The following UNC13C variants were observed in gnomAD, a reference collection of about 807,000 sequenced individuals.
UNC13C encodes the protein protein unc-13 homolog C.
A neutral mutation model predicts 245.4 loss-of-function variants in UNC13C; 174 were observed. That is an observed-to-expected ratio of 0.71 (90% CI 0.63 to 0.80). The LOEUF (loss-of-function observed/expected upper bound fraction) is 0.80. Among genes scored for constraint, UNC13C ranks in the 30% least tolerant of loss-of-function variants. UNC13C has a pLI of 0.00. For missense variants in UNC13C, 2,829 were observed against 2,602.9 expected (o/e 1.09, Z -1.89); for synonymous variants, 992 against 895.1 (o/e 1.11, Z -1.93).
chr15:54,180,182 G>A (rs190645641), intron 4 of UNC13C, among the ~76,000 whole-genome samples: 1 of 151,870 alleles, frequency 6.6e-6, no homozygotes, highest in East Asian at 1.9e-4. Flanking sequence ...ATAGTCCCCG[G>A]TTTCTATTGT....
intron 2 of UNC13C, among the ~76,000 whole-genome samples, chr15:54,131,272 T>C (rs937382095): frequency 1.3e-5 from 2 of 152,212 alleles, no homozygotes; most frequent in African/African-American, 4.8e-5. Flanking sequence ...CAGACTAGAC[T>C]GGATTTTCAA....
intron 10 of UNC13C, among the ~76,000 whole-genome samples, chr15:54,284,996 A>T (rs971494546): frequency 1.3e-5 from 2 of 152,126 alleles, no homozygotes; most frequent in Non-Finnish European, 2.9e-5. Context: ...AAGGTGGTTC[A>T]GGGAAATTAA....
rs1482896503 is a variant in UNC13C at position 54,626,810 on chromosome 15, T to G, written c.6360-18T>G. 1 of 1,593,818 alleles carries G rather than the reference T, an allele frequency of 6.3e-7. No individual in the cohort carries two copies. Among genetic ancestry groups the G allele is most frequent in the Non-Finnish European group, 8.5e-7 (1 of 1,170,080 alleles). On this transcript the variant is annotated intron_variant, in intron 32 of 32. Transcript: ENST00000260323. Reference sequence around the variant, plus strand: ...AAGTAAAGTTTTTGCTCAAAATTTGTATTTTTAATCCACACAGCATTCTCG... The same window carrying G: ...AAGTAAAGTTTTTGCTCAAAATTTGGATTTTTAATCCACACAGCATTCTCG...
the UNC13C span, among the ~76,000 whole-genome samples, chr15:53,958,070 C>A: frequency 6.6e-6 from 1 of 152,104 alleles, no homozygotes; most frequent in Non-Finnish European, 1.5e-5. Flanking sequence ...CAAACAGTAA[C>A]TTGTTTCACA....
intron 19 of UNC13C, among the ~76,000 whole-genome samples, chr15:54,438,027 A>G (rs1166911908): frequency 6.6e-6 from 1 of 151,898 alleles, no homozygotes; most frequent in Non-Finnish European, 1.5e-5. Context: ...ATAAGAGGGA[A>G]CTAGGGTAAA....
chr15:54,405,029 T>G (rs982252840), intron 18 of UNC13C, among the ~76,000 whole-genome samples: 1 of 152,204 alleles, frequency 6.6e-6, no homozygotes, highest in Non-Finnish European at 1.5e-5. Flanking sequence ...CTAAATAATA[T>G]TTTCCTGTCT....
At chr15:54,337,906 C>T (rs959606952) in intron 16 of UNC13C, among the ~76,000 whole-genome samples, 1 of 152,166 alleles carries the variant, frequency 6.6e-6, no homozygotes, top group Non-Finnish European at 1.5e-5. Context: ...TAATTCTATT[C>T]CATTGAAACG....
the UNC13C span, among the ~76,000 whole-genome samples, chr15:53,877,465 T>A: frequency 6.6e-6 from 1 of 152,102 alleles, no homozygotes; most frequent in Non-Finnish European, 1.5e-5. Flanking sequence ...AAACCTAGGT[T>A]AATATTCATA....
chr15:53,845,492 C>A, the UNC13C span, among the ~76,000 whole-genome samples: 7 of 152,206 alleles, frequency 4.6e-5, no homozygotes, highest in South Asian at 1.0e-3. Flanking sequence ...GCCTTCAACA[C>A]AATGTCCTAT....
intron 7 of UNC13C, among the ~76,000 whole-genome samples, chr15:54,245,396 A>G (rs1567131027): frequency 6.6e-6 from 1 of 152,124 alleles, no homozygotes; most frequent in Non-Finnish European, 1.5e-5. Context: ...GTTTCTTAGG[A>G]CAATGTTAAT....
At position 54,549,619 on chromosome 15, in the gene UNC13C, TTTTC is replaced by T; in HGVS notation, c.5821-12_5821-9del. 6.3e-7 allele frequency: 1 copy of T among 1,592,672 alleles called. No homozygotes were observed. The highest frequency in any genetic ancestry group is 8.6e-7 in the Non-Finnish European group (1 of 1,168,432). ...TCTTAAGACTGAGTCTTCTCTCACTTTTTCTTTGTTTCTAGGGACCCCAGATGAT... is the reference window on the plus strand; with the variant it reads ...TCTTAAGACTGAGTCTTCTCTCACTTTTTGTTTCTAGGGACCCCAGATGAT... On this transcript the variant is annotated splice_polypyrimidine_tract_variant and intron_variant, in intron 27 of 32. Coordinates refer to ENST00000260323, the MANE Select transcript of UNC13C (RefSeq NM_001080534.3).
At chr15:54,592,500 A>T (rs1898844397) in intron 30 of UNC13C, among the ~76,000 whole-genome samples, 1 of 152,170 alleles carries the variant, frequency 6.6e-6, no homozygotes, top group Admixed American at 6.5e-5. Flanking sequence ...ATATATGTTT[A>T]GGATTGTGAT....
chr15:53,951,908 C>A, the UNC13C span, among the ~76,000 whole-genome samples: 1 of 152,140 alleles, frequency 6.6e-6, no homozygotes, highest in African/African-American at 2.4e-5. Context: ...TGGAGACCAG[C>A]TGGTCATGAG....
Position 54,603,532 on chromosome 15 carries a change from C to T in UNC13C, c.6107-18795C>T, listed in dbSNP as rs151110933. On this transcript the variant is annotated intron_variant, in intron 30 of 32. Coordinates refer to ENST00000260323, the MANE Select transcript of UNC13C (RefSeq NM_001080534.3). The stretch of plus-strand genomic sequence containing the variant: ...ACTCCAGTGTGGATCTATAAGCACT[C>T]CCACCCCTGAAACCATTCACATGTG... Among the ~76,000 whole-genome samples the T allele has an allele frequency of 2.9e-3, 441 of 152,124 alleles. 2 individuals carry two copies. Among genetic ancestry groups the T allele is most frequent in the African/African-American group, 9.9e-3 (410 of 41,504 alleles).
intron 19 of UNC13C, among the ~76,000 whole-genome samples, chr15:54,475,576 C>T (rs908483855): frequency 1.3e-5 from 2 of 151,326 alleles, no homozygotes; most frequent in Non-Finnish European, 2.9e-5. Flanking sequence ...TTTGTCCCTG[C>T]AAAAGTTTAC....
At chr15:54,415,710 C>T (rs1339572282) in intron 19 of UNC13C, among the ~76,000 whole-genome samples, 1 of 152,100 alleles carries the variant, frequency 6.6e-6, no homozygotes, top group Non-Finnish European at 1.5e-5. Flanking sequence ...CCCATAGATA[C>T]TAAATGACCA....
At chr15:54,148,390 G>A (rs569495105) in intron 4 of UNC13C, among the ~76,000 whole-genome samples, 19 of 152,172 alleles carry the variant, frequency 1.2e-4, no homozygotes, top group East Asian at 9.7e-4. Context: ...TTTTGTTACC[G>A]TTGTAGAACT....
chr15:54,411,105 G>C (rs2040408181), intron 18 of UNC13C, among the ~76,000 whole-genome samples: 1 of 152,052 alleles, frequency 6.6e-6, no homozygotes, highest in South Asian at 2.1e-4. Context: ...ATAATGTTGA[G>C]CCTATTTGCA....
In UNC13C at chr15:54,267,283, A is replaced by T. The variant is rs867893720; in HGVS notation, c.3818+1787A>T. ...GAATTGATTCATCTTTTTTTAACAA[A>T]ACAAAACAAAACAAAAAAACCCTGA... On this transcript the variant is annotated intron_variant, in intron 10 of 32. Coordinates refer to ENST00000260323, the MANE Select transcript of UNC13C (RefSeq NM_001080534.3). Among the ~76,000 whole-genome samples the T allele has an allele frequency of 9.7e-3, 1,442 of 148,388 alleles. 33 individuals carry two copies. The highest frequency in any genetic ancestry group is 0.036 in the African/African-American group (1,376 of 37,940).
Sources: allele counts gnomAD v4.1 joint callset (sites outside exome capture counted in the v4.1 genomes callset), GRCh38; gene constraint gnomAD v4.1.1; transcripts MANE v1.5; gene names NCBI Gene and HGNC (gene_info 2026-07-23, HGNC 2026-07-21).